The following AGAP1 variants were observed in gnomAD, a reference collection of about 807,000 sequenced individuals.
AGAP1 encodes the protein arf-GAP with GTPase, ANK repeat and PH domain-containing protein 1.
Under a neutral mutation model 105.3 loss-of-function variants are expected in AGAP1, and 29 were observed. The ratio of observed to expected loss-of-function variants is 0.28; its 90% CI spans 0.21 to 0.38. The LOEUF (loss-of-function observed/expected upper bound fraction) is 0.38, where lower values mean the gene tolerates loss of function less well. AGAP1 is among the 10% of genes least tolerant of loss of function. AGAP1 has a pLI of 1.00. For missense variants in AGAP1, 998 were observed against 1,165.1 expected, an observed-to-expected ratio of 0.86 and a Z score of 2.09; for synonymous variants, 509 against 485.9, an observed-to-expected ratio of 1.05 and a Z score of -0.63.
intron 1 of AGAP1, among the ~76,000 whole-genome samples, chr2:235,571,936 G>GTGTGTGTA (rs1298715768): frequency 8.2e-6 from 1 of 122,364 alleles, no homozygotes; most frequent in African/African-American, 3.3e-5. Flanking sequence ...CACACTTTGT[G>GTGTGTGTA]TGTGTGTGTG....
Position 235,721,477 on chromosome 2 carries a change from A to ATGTGTGTGTG in AGAP1, c.310+3851_310+3860dup, listed in dbSNP as rs57069910. 8.5e-4 allele frequency among the ~76,000 whole-genome samples: 128 copies of ATGTGTGTGTG among 149,730 alleles called. 1 individual carries two copies. The highest frequency in any genetic ancestry group is 2.9e-3 in the African/African-American group (120 of 40,758). ...TTGGATTGACAGATTCCTTAATATT[A>ATGTGTGTGTG]TGTGTGTGTGTGTGTGTGTGTGTGT... On this transcript the variant is annotated intron_variant, in intron 3 of 17. Coordinates refer to ENST00000304032, the MANE Select transcript of AGAP1 (RefSeq NM_001037131.3). This position sits in a 1 kb window ranked among gnomAD's most constrained non-coding sequence, Gnocchi z 4.5.
At position 235,747,332 on chromosome 2, in the gene AGAP1, T is replaced by C. The variant is rs1575311442; in HGVS notation, c.538+2493T>C. Among the ~76,000 whole-genome samples, 1 of 152,132 alleles carries C rather than the reference T, an allele frequency of 6.6e-6. No individual in the cohort carries two copies. Among genetic ancestry groups the C allele is most frequent in the East Asian group, 1.9e-4 (1 of 5,176 alleles). ...CCCCCATTTATTCCCATGAATTCCA[T>C]GAACATCCGTTGATCGGATGTGGAA... is the stretch of plus-strand genomic sequence containing the variant. On this transcript the variant is annotated intron_variant, in intron 5 of 17. Coordinates refer to ENST00000304032, the MANE Select transcript of AGAP1 (RefSeq NM_001037131.3). The surrounding 1 kb of genome is among the most constrained non-coding windows in gnomAD (Gnocchi z 5.0).
At position 235,596,891 on chromosome 2, in the gene AGAP1, A is replaced by G. The variant is rs1945542742; in HGVS notation, c.163+102042A>G. ...CCTTGTGGTGGCACGAATGCCCCTC[A>G]GGAGCGCTTGCTCTGTACCCTATGA... is the stretch of plus-strand genomic sequence containing the variant. On this transcript the variant is annotated intron_variant, in intron 1 of 17. Coordinates refer to ENST00000304032, the MANE Select transcript of AGAP1 (RefSeq NM_001037131.3). The surrounding 1 kb of genome is among the most constrained non-coding windows in gnomAD (Gnocchi z 5.9). Among the ~76,000 whole-genome samples, 1 of 152,180 alleles carries G rather than the reference A, an allele frequency of 6.6e-6. No individual in the cohort carries two copies. The highest frequency in any genetic ancestry group is 2.4e-5 in the African/African-American group (1 of 41,452).
At chr2:235,996,421 T>C (rs2055818224) in intron 13 of AGAP1, among the ~76,000 whole-genome samples, 1 of 152,254 alleles carries the variant, frequency 6.6e-6, no homozygotes, top group Non-Finnish European at 1.5e-5. Flanking sequence ...TGTGCTGTAG[T>C]TAAGAGAATA....
intron 9 of AGAP1, among the ~76,000 whole-genome samples, chr2:235,828,933 G>A (rs1959180322): frequency 6.6e-6 from 1 of 152,224 alleles, no homozygotes; most frequent in South Asian, 2.1e-4. Context: ...GACGCAGCCT[G>A]TCCAGAGTTC....
intron 13 of AGAP1, among the ~76,000 whole-genome samples, chr2:236,031,332 G>A (rs1382587401): frequency 2.0e-5 from 3 of 152,158 alleles, no homozygotes; most frequent in African/African-American, 7.2e-5. Flanking sequence ...AAGCTCGAAA[G>A]AGAACTATAG....
intron 1 of AGAP1, among the ~76,000 whole-genome samples, chr2:235,543,531 G>A (rs1943522778): frequency 1.3e-5 from 2 of 152,216 alleles, no homozygotes; most frequent in African/African-American, 4.8e-5. Flanking sequence ...GGGAAGAACC[G>A]TGCTGGATTG....
At chr2:235,849,588 G>A (rs949617714) in intron 9 of AGAP1, among the ~76,000 whole-genome samples, 11 of 152,158 alleles carry the variant, frequency 7.2e-5, no homozygotes, top group Non-Finnish European at 1.3e-4. Flanking sequence ...GCCCCCTTAT[G>A]CCTGTACGCT....
chr2:236,015,770 G>A (rs972565395), intron 13 of AGAP1, among the ~76,000 whole-genome samples: 26 of 152,192 alleles, frequency 1.7e-4, no homozygotes, highest in African/African-American at 6.0e-4. Flanking sequence ...GCAAGCTCGT[G>A]CCCTAACACT....
chr2:235,997,484 A>G (rs990060747), intron 13 of AGAP1, among the ~76,000 whole-genome samples: 1 of 152,174 alleles, frequency 6.6e-6, no homozygotes, highest in Non-Finnish European at 1.5e-5. Context: ...CCTTAAGGTT[A>G]GTGTTTGGTA....
At chr2:235,917,381 G>A (rs994745521) in intron 11 of AGAP1, among the ~76,000 whole-genome samples, 1 of 152,136 alleles carries the variant, frequency 6.6e-6, no homozygotes, top group South Asian at 2.1e-4. Flanking sequence ...CAAACTAATA[G>A]CATGAATATT....
chr2:235,674,891 G>T (rs915945531), intron 1 of AGAP1, among the ~76,000 whole-genome samples: 6 of 151,980 alleles, frequency 3.9e-5, no homozygotes, highest in African/African-American at 1.4e-4. Context: ...GTTTCACCAT[G>T]TTGGCCAGGA....
chr2:235,810,420 G>T (rs1958072472), intron 9 of AGAP1, among the ~76,000 whole-genome samples: 1 of 151,872 alleles, frequency 6.6e-6, no homozygotes, highest in Admixed American at 6.6e-5. Context: ...AGTCGTTTTA[G>T]AACCCCAGCA....
In AGAP1 at chr2:235,857,861, G is replaced by A. The variant is rs569687842; in HGVS notation, c.1051-25484G>A. ...AAAAGCGCTGGAAGAACCAGAGCCTGCAGAAGCAGGCCTATCGCCCTGTGC... is the reference window on the plus strand; with the variant it reads ...AAAAGCGCTGGAAGAACCAGAGCCTACAGAAGCAGGCCTATCGCCCTGTGC... On this transcript the variant is annotated intron_variant, in intron 9 of 17. Transcript: ENST00000304032. Among the ~76,000 whole-genome samples the A allele has an allele frequency of 1.1e-4, 17 of 152,350 alleles. No individual in the cohort carries two copies. In the South Asian group the frequency reaches 3.5e-3, roughly 32 times the overall value.
intron 1 of AGAP1, among the ~76,000 whole-genome samples, chr2:235,584,484 G>A (rs1945037244): frequency 6.8e-6 from 1 of 147,542 alleles, no homozygotes. Context: ...GATTGGAGTG[G>A]GTCCTGATCC....
At position 236,035,705 on chromosome 2, in the gene AGAP1, C is replaced by T. The variant is rs150093341; in HGVS notation, c.1646-856C>T. On this transcript the variant is annotated intron_variant, in intron 13 of 17. Coordinates refer to ENST00000304032, the MANE Select transcript of AGAP1 (RefSeq NM_001037131.3). This position sits in a 1 kb window ranked among gnomAD's most constrained non-coding sequence, Gnocchi z 4.2. ...CCTCCTTTGGCGGGGACTTGGGGGC[C>T]GGGAGTAGGGACAGGAATAATGAAC... 3.3e-5 allele frequency among the ~76,000 whole-genome samples: 5 copies of T among 152,120 alleles called. No homozygotes were observed. The highest frequency in any genetic ancestry group is 7.4e-5 in the Non-Finnish European group (5 of 67,984).
Position 236,121,387 on chromosome 2 carries a change from G to A in AGAP1, c.2370+940G>A, listed in dbSNP as rs371500786. ...GCGATCTCAGCTCACTGCAACCTCC[G>A]CCTCCCAGGTTCAAGCAATTCTCCT... On this transcript the variant is annotated intron_variant, in intron 17 of 17. Transcript: ENST00000304032. This position sits in a 1 kb window ranked among gnomAD's most constrained non-coding sequence, Gnocchi z 4.9. Among the ~76,000 whole-genome samples the A allele has an allele frequency of 3.9e-5, 6 of 152,186 alleles. No homozygotes were observed. The highest frequency in any genetic ancestry group is 2.6e-4 in the Admixed American group (4 of 15,292).
rs1236882908 is a variant in AGAP1, at chr2:236,058,478, A to G, written c.2114+9197A>G. ...TAATACAGTAAAGAGAGAAGAAAAC[A>G]TAATCTTTTCAAGGGATACAGAAAA... On this transcript the variant is annotated intron_variant, in intron 16 of 17. Transcript: ENST00000304032. This position sits in a 1 kb window ranked among gnomAD's most constrained non-coding sequence, Gnocchi z 4.6. 6.6e-6 allele frequency among the ~76,000 whole-genome samples: 1 copy of G among 152,248 alleles called. No homozygotes were observed. The highest frequency in any genetic ancestry group is 6.5e-5 in the Admixed American group (1 of 15,282).
At position 235,976,136 on chromosome 2, in the gene AGAP1, G is replaced by C. The variant is rs1417788361; in HGVS notation, c.1645+7513G>C. Among the ~76,000 whole-genome samples, 1 of 152,138 alleles carries C rather than the reference G, an allele frequency of 6.6e-6. No homozygotes were observed. Among genetic ancestry groups the C allele is most frequent in the East Asian group, 1.9e-4 (1 of 5,176 alleles). ...CTAAGGATATCAGGAGACTGGCTGG[G>C]TTTCATCACCCTTGGGCTGTCAGTG... On this transcript the variant is annotated intron_variant, in intron 13 of 17. Coordinates refer to ENST00000304032, the MANE Select transcript of AGAP1 (RefSeq NM_001037131.3). The surrounding 1 kb of genome is among the most constrained non-coding windows in gnomAD (Gnocchi z 4.5).
Sources: allele counts gnomAD v4.1 joint callset (sites outside exome capture counted in the v4.1 genomes callset), GRCh38; gene constraint gnomAD v4.1.1; non-coding constraint Gnocchi (gnomAD v3.1); transcripts MANE v1.5; gene names NCBI Gene and HGNC (gene_info 2026-07-23, HGNC 2026-07-21).